PIEZO2: variants seen among roughly 807,000 people sequenced by gnomAD.
PIEZO2 encodes piezo-type mechanosensitive ion channel component 2.
Under a neutral mutation model 337.3 loss-of-function variants are expected in PIEZO2, and 172 were observed. The ratio of observed to expected loss-of-function variants is 0.51; its 90% confidence interval spans 0.45 to 0.58. The LOEUF is 0.58. Among genes scored for constraint, PIEZO2 ranks in the 20% least tolerant of loss-of-function variants. The pLI is 0.00. For missense variants in PIEZO2, 3,028 were observed against 3,391.3 expected (o/e 0.89, Z 2.66); for synonymous variants, 1,251 against 1,228.5 (o/e 1.02, Z -0.38).
chr18:11,051,774 C>T lies in PIEZO2; in HGVS notation c.160+14353G>A, dbSNP rs557694346. On this transcript the variant is annotated intron_variant, in intron 2 of 55. Coordinates refer to ENST00000674853, the MANE Select transcript of PIEZO2 (RefSeq NM_001378183.1). ...TAAATGGAAGGATGTTTCTGTAGTT[C>T]TTGTTGAAACCAACTGAAAAGGGCT... Among the ~76,000 whole-genome samples the T allele has an allele frequency of 3.3e-5, 5 of 152,310 alleles. No homozygotes were observed. In the South Asian group the frequency reaches 6.2e-4, roughly 19 times the overall value.
At chr18:11,108,312 CAT>C (rs1043693360) in intron 1 of PIEZO2, among the ~76,000 whole-genome samples, 7 of 152,068 alleles carry the variant, frequency 4.6e-5, no homozygotes, top group African/African-American at 1.2e-4. Context: ...TTAAATGTAA[CAT>C]GTGTAAGAGT....
chr18:11,028,408 G>A lies in PIEZO2; in HGVS notation c.160+37719C>T, dbSNP rs371240479. The stretch of plus-strand genomic sequence containing the variant: ...CCTGAGTAGCTGGAAGTACAGGCAC[G>A]CACATCCACACCTGGGTAATTTTTG... On this transcript the variant is annotated intron_variant, in intron 2 of 55. Transcript: ENST00000674853. This position sits in a 1 kb window ranked among gnomAD's most constrained non-coding sequence, Gnocchi z 4.8. 4.9e-4 allele frequency among the ~76,000 whole-genome samples: 75 copies of A among 151,964 alleles called. No homozygotes were observed. The East Asian group carries it at 5.4e-3, about 11-fold the overall frequency.
At position 10,794,603 on chromosome 18, in the gene PIEZO2, T is replaced by C. The variant is rs531043357; in HGVS notation, c.1758+169A>G. Among the ~76,000 whole-genome samples, 4 of 152,358 alleles carry C rather than the reference T, an allele frequency of 2.6e-5. No homozygotes were observed. Among genetic ancestry groups the C allele is most frequent in the Admixed American group, 1.3e-4 (2 of 15,306 alleles). On this transcript the variant is annotated intron_variant, in intron 13 of 55. Coordinates refer to ENST00000674853, the MANE Select transcript of PIEZO2 (RefSeq NM_001378183.1). This position sits in a 1 kb window ranked among gnomAD's most constrained non-coding sequence, Gnocchi z 6.6. Reference sequence around the variant, plus strand: ...GTAATATATGTTCATGTTTAAATTATAGAGGCCTCTAAGCACCGCAAACTG... The same window carrying C: ...GTAATATATGTTCATGTTTAAATTACAGAGGCCTCTAAGCACCGCAAACTG...
chr18:10,898,890 G>A (rs950116828), intron 4 of PIEZO2, among the ~76,000 whole-genome samples: 2 of 152,178 alleles, frequency 1.3e-5, no homozygotes, highest in Admixed American at 6.5e-5. Context: ...AGATGGGGTT[G>A]AAAGAAAAGG....
chr18:11,043,939 G>A (rs908092748), intron 2 of PIEZO2, among the ~76,000 whole-genome samples: 1 of 152,036 alleles, frequency 6.6e-6, no homozygotes, highest in African/African-American at 2.4e-5. Flanking sequence ...CTCCAAAAGT[G>A]CAGGGATTAC....
chr18:11,042,556 G>T (rs2037162642), intron 2 of PIEZO2, among the ~76,000 whole-genome samples: 1 of 152,246 alleles, frequency 6.6e-6, no homozygotes, highest in African/African-American at 2.4e-5. Context: ...GTCTGAGCTA[G>T]ACTCGCTGTG....
intron 3 of PIEZO2, among the ~76,000 whole-genome samples, chr18:10,935,283 A>C (rs1197957444): frequency 6.6e-6 from 1 of 152,180 alleles, no homozygotes; most frequent in Non-Finnish European, 1.5e-5. Context: ...GCTTGCCTGG[A>C]AGAAGCCTGA....
chr18:11,017,656 C>T lies in PIEZO2; in HGVS notation c.161-37996G>A, dbSNP rs112752150. Among the ~76,000 whole-genome samples, 537 of 152,188 alleles carry T rather than the reference C, an allele frequency of 3.5e-3. 4 individuals are homozygous for T. Among genetic ancestry groups the T allele is most frequent in the African/African-American group, 0.012 (505 of 41,526 alleles). The stretch of plus-strand genomic sequence containing the variant: ...AATGGTTCTTCTGTATAAAAGAAAT[C>T]GTATGCCAAAAACAGGCATGCTCTT... On this transcript the variant is annotated intron_variant, in intron 2 of 55. Transcript: ENST00000674853.
intron 2 of PIEZO2, among the ~76,000 whole-genome samples, chr18:10,991,155 T>TACACACACACACACAC (rs374157292): frequency 7.1e-6 from 1 of 140,550 alleles, no homozygotes; most frequent in African/African-American, 2.6e-5. Flanking sequence ...GAAGGTTTTA[T>TACACACACACACACAC]ACACACACAC....
intron 31 of PIEZO2, among the ~76,000 whole-genome samples, 187 bp from the exon 32 acceptor site, chr18:10,742,802 G>GTGCA (rs931127198): frequency 5.4e-5 from 4 of 74,684 alleles, no homozygotes; most frequent in African/African-American, 1.4e-4. Flanking sequence ...ACATATTTGT[G>GTGCA]TGTGTGTGTG....
At chr18:10,974,798 A>C (rs1797611774) in intron 3 of PIEZO2, among the ~76,000 whole-genome samples, 1 of 152,222 alleles carries the variant, frequency 6.6e-6, no homozygotes, top group Non-Finnish European at 1.5e-5. Context: ...AAGAGACTAC[A>C]CAAAGGCATA....
At position 10,795,154 on chromosome 18, in the gene PIEZO2, C is replaced by T. The variant is rs1048559154; in HGVS notation, c.1528-152G>A. Among the ~76,000 whole-genome samples, 3 of 152,046 alleles carry T rather than the reference C, an allele frequency of 2.0e-5. No homozygotes were observed. Among genetic ancestry groups the T allele is most frequent in the Non-Finnish European group, 2.9e-5 (2 of 68,004 alleles). On this transcript the variant is annotated intron_variant, in intron 12 of 55. Coordinates refer to ENST00000674853, the MANE Select transcript of PIEZO2 (RefSeq NM_001378183.1). The surrounding 1 kb of genome is among the most constrained non-coding windows in gnomAD (Gnocchi z 4.4). ...GTGGTGGAGTGATGGAGACCCCAAG[C>T]CGTGGAGTGGTGGCTTGGAAGGCAG...
chr18:10,964,601 T>C (rs1816496936), intron 3 of PIEZO2, among the ~76,000 whole-genome samples: 1 of 152,206 alleles, frequency 6.6e-6, no homozygotes. Flanking sequence ...AATTCACATA[T>C]CAAACAATTA....
At position 10,672,674 on chromosome 18, in the gene PIEZO2, T is replaced by A. The variant is rs1053102365; in HGVS notation, c.8345+16A>T. Reference sequence around the variant, plus strand: ...AGTAGACTCTTGTAACTGTGAATTGTTCAATGAGTCCTTACCCATAGCCAG... The same window carrying A: ...AGTAGACTCTTGTAACTGTGAATTGATCAATGAGTCCTTACCCATAGCCAG... On this transcript the variant is annotated intron_variant, in intron 55 of 55. Coordinates refer to ENST00000674853, the MANE Select transcript of PIEZO2 (RefSeq NM_001378183.1). This position sits in a 1 kb window ranked among gnomAD's most constrained non-coding sequence, Gnocchi z 4.7. 1.9e-6 allele frequency: 3 copies of A among 1,606,584 alleles called. No homozygotes were observed. Among genetic ancestry groups the A allele is most frequent in the Non-Finnish European group, 2.5e-6 (3 of 1,178,082 alleles).
At chr18:10,927,809 C>T (rs114145364) in intron 3 of PIEZO2, among the ~76,000 whole-genome samples, 5 of 152,176 alleles carry the variant, frequency 3.3e-5, no homozygotes, top group African/African-American at 1.2e-4. Context: ...GTCTACAACT[C>T]GTAAGCTTTT....
At chr18:10,710,999 TG>T (rs2035798517) in intron 39 of PIEZO2, among the ~76,000 whole-genome samples, 1 of 152,228 alleles carries the variant, frequency 6.6e-6, no homozygotes, top group Non-Finnish European at 1.5e-5. Flanking sequence ...CTAAAGGTGC[TG>T]GTTTCCTACT....
rs1212776271 is a variant in PIEZO2 at position 10,673,606 on chromosome 18, T to C, written c.8162-733A>G. 1.3e-5 allele frequency among the ~76,000 whole-genome samples: 2 copies of C among 152,156 alleles called. No homozygotes were observed. Among genetic ancestry groups the C allele is most frequent in the Non-Finnish European group, 2.9e-5 (2 of 68,034 alleles). On this transcript the variant is annotated intron_variant, in intron 54 of 55. Transcript: ENST00000674853. This position sits in a 1 kb window ranked among gnomAD's most constrained non-coding sequence, Gnocchi z 4.8. Reference sequence around the variant, plus strand: ...ATATCGGGTCAGTGATTACTTTTATTGGAGTTTAGGGTGAATGCAAAAGAG... The same window carrying C: ...ATATCGGGTCAGTGATTACTTTTATCGGAGTTTAGGGTGAATGCAAAAGAG...
intron 37 of PIEZO2, among the ~76,000 whole-genome samples, chr18:10,717,906 T>C (rs1416268745): frequency 1.3e-5 from 2 of 152,200 alleles, no homozygotes; most frequent in African/African-American, 2.4e-5. Context: ...ACGGCTTCCA[T>C]GGGACATTAA....
At chr18:10,875,296 G>A (rs1270191845) in intron 4 of PIEZO2, among the ~76,000 whole-genome samples, 1 of 152,126 alleles carries the variant, frequency 6.6e-6, no homozygotes, top group Non-Finnish European at 1.5e-5. Flanking sequence ...TTATAGTAAT[G>A]AAATCTGATG....
Sources: gnomAD v4.1 joint callset for allele counts (sites outside exome capture counted in the v4.1 genomes callset) on GRCh38, gnomAD v4.1.1 for gene constraint, Gnocchi (gnomAD v3.1) non-coding constraint, MANE v1.5 for transcripts, NCBI Gene and HGNC (gene_info 2026-07-23, HGNC 2026-07-21) for gene names.